MALAT1: variants seen among roughly 807,000 people sequenced by gnomAD.
The protein encoded by MALAT1 is metastasis associated lung adenocarcinoma transcript 1, also known as hepcarcin.
chr11:65,500,008 ACCAAT>A, exon 3 of MALAT1: 2 of 426,310 alleles, frequency 4.7e-6, no homozygotes, highest in Non-Finnish European at 9.1e-6. Context: ...ATTATTGGTA[ACCAAT>A]TTATTTTAAA....
At chr11:65,505,065 T>C (rs780424999) in intron 3 of MALAT1, 5 of 518,876 alleles carry the variant, frequency 9.6e-6, no homozygotes, top group Admixed American at 1.9e-5. Context: ...AGATCAGTTA[T>C]GGGACAATAG....
At chr11:65,498,830 C>A (rs771955653) in intron 2 of MALAT1, 1 of 518,816 alleles carries the variant, frequency 1.9e-6, no homozygotes, top group South Asian at 1.4e-5. Flanking sequence ...CAGCTCAAAT[C>A]TTTCCACACG....
exon 3 of MALAT1, chr11:65,500,397 AG>A: frequency 3.9e-6 from 2 of 519,004 alleles, no homozygotes; most frequent in South Asian, 2.8e-5. Flanking sequence ...CAGCTGACCC[AG>A]GTGCTACACA....
chr11:65,500,044 G>A (rs1263470864), exon 3 of MALAT1: 1 of 434,300 alleles, frequency 2.3e-6, no homozygotes, highest in Admixed American at 2.8e-5. Flanking sequence ...TTTAATTTCT[G>A]GTGGTGCAGA....
chr11:65,503,389 C>A (rs758228699), exon 3 of MALAT1: 7 of 517,884 alleles, frequency 1.4e-5, no homozygotes, highest in Admixed American at 9.7e-5. Context: ...TGGGATAGTA[C>A]ACTTCACTCA....
exon 3 of MALAT1, chr11:65,500,838 TATAATG>T (rs1370828100): frequency 1.2e-5 from 6 of 518,778 alleles, no homozygotes; most frequent in African/African-American, 3.9e-5. Flanking sequence ...TATTTTCTAA[TATAATG>T]GGGGAGTTTC....
exon 3 of MALAT1, chr11:65,499,378 C>T (rs140015061): frequency 4.7e-5 from 23 of 490,112 alleles, no homozygotes; most frequent in Admixed American, 3.7e-4. Context: ...TACAGAGCCC[C>T]GAATTAATAC....
At chr11:65,505,387 C>T (rs759311364) in intron 3 of MALAT1, 4 of 516,492 alleles carry the variant, frequency 7.7e-6, no homozygotes, top group Non-Finnish European at 1.5e-5. Context: ...TACCCCTGGG[C>T]TTCTCTTAAC....
chr11:65,500,224 G>A (rs760365740), exon 3 of MALAT1: 4 of 516,338 alleles, frequency 7.7e-6, no homozygotes, highest in Admixed American at 2.0e-5. Flanking sequence ...GGAAGAGTTA[G>A]AAGAATTTGG....
At chr11:65,505,184 C>G (rs1254753586) in intron 3 of MALAT1, 1 of 518,728 alleles carries the variant, frequency 1.9e-6, no homozygotes, top group South Asian at 1.4e-5. Flanking sequence ...TAAGATTTTT[C>G]AGGTACCCCT....
rs145862195 is a variant in MALAT1, at chr11:65,498,527, T to C, written n.179-155T>C. On this transcript the variant is annotated intron_variant and non_coding_transcript_variant, in intron 1 of 3. Coordinates refer to ENST00000619449, the Ensembl canonical transcript of MALAT1. The stretch of plus-strand genomic sequence containing the variant: ...ATTTCTCGAACAAAAAAGCAAAACG[T>C]GTGGCTGTCTTGGGAGCAAGTCGCA... 9.7e-4 allele frequency: 502 copies of C among 517,970 alleles called. 1 individual carries two copies. Among genetic ancestry groups the C allele is most frequent in the Non-Finnish European group, 1.4e-3 (371 of 259,350 alleles). 32.1% of individuals were successfully genotyped at this position (517,970 alleles called of 1,614,324 possible).
At chr11:65,504,892 T>G (rs1854645843) in intron 3 of MALAT1, 1 of 518,782 alleles carries the variant, frequency 1.9e-6, no homozygotes, top group Non-Finnish European at 3.8e-6. Flanking sequence ...GCCTATTTAC[T>G]TTAAATAAAC....
chr11:65,505,048 C>T (rs773901429), intron 3 of MALAT1: 7 of 518,770 alleles, frequency 1.3e-5, no homozygotes, highest in African/African-American at 3.8e-5. Context: ...TATTTACATA[C>T]AAAGTCAGAT....
exon 3 of MALAT1, chr11:65,502,196 C>T (rs1356171588): frequency 5.8e-6 from 3 of 518,874 alleles, no homozygotes; most frequent in Admixed American, 3.9e-5. Flanking sequence ...GGGGGTTGGT[C>T]TGGCCTACTG....
intron 1 of MALAT1, chr11:65,498,166 C>G (rs747759684): frequency 1.9e-6 from 1 of 518,798 alleles, no homozygotes; most frequent in South Asian, 1.4e-5. Context: ...TGGGTGTGTC[C>G]CTGACTGGCT....
chr11:65,499,449 T>A (rs768068567), exon 3 of MALAT1: 1 of 472,138 alleles, frequency 2.1e-6, no homozygotes, highest in Admixed American at 2.3e-5. Context: ...TAAAGTTTAG[T>A]TTAAAAGTTG....
chr11:65,502,619 CT>C (rs3842272), exon 3 of MALAT1: 41,133 of 397,584 alleles, frequency 0.1, 1,563 homozygotes, highest in South Asian at 0.16. Flanking sequence ...GGAGGGGAAA[CT>C]TTTTTTTTTT....
At chr11:65,497,979 G>T in intron 1 of MALAT1, 1 of 518,960 alleles carries the variant, frequency 1.9e-6, no homozygotes, top group East Asian at 5.4e-5. Context: ...CCAGGTGGTG[G>T]TATTTAGATA....
At chr11:65,499,405 C>A (rs185612860) in exon 3 of MALAT1, 13 of 485,032 alleles carry the variant, frequency 2.7e-5, no homozygotes, top group Admixed American at 8.8e-5. Flanking sequence ...AAGGGCAATG[C>A]TTTTAGATTA....
Sources: gnomAD v4.1 joint callset for allele counts on GRCh38, gnomAD v4.1.1 for gene constraint, MANE v1.5 for transcripts, NCBI Gene and HGNC (gene_info 2026-07-23, HGNC 2026-07-21) for gene names.